The following ANTXR1 variants were observed in gnomAD, a reference collection of about 807,000 sequenced individuals.
ANTXR1 encodes the protein ANTXR cell adhesion molecule 1, also known as anthrax toxin receptor 1.
In ANTXR1, 19 loss-of-function variants were observed where a neutral mutation model predicts 78.1. That is an observed-to-expected ratio of 0.24 (90% CI 0.17 to 0.36). ANTXR1 has a LOEUF of 0.36. Among genes scored for constraint, ANTXR1 ranks in the 10% least tolerant of loss-of-function variants. ANTXR1 has a pLI of 1.00. For missense variants in ANTXR1, 518 were observed against 718.6 expected (o/e 0.72, Z 3.19); for synonymous variants, 273 against 260.5 (o/e 1.05, Z -0.46).
At chr2:69,122,594 G>GTTTTT (rs908868364) in intron 10 of ANTXR1, among the ~76,000 whole-genome samples, 1 of 151,346 alleles carries the variant, frequency 6.6e-6, no homozygotes, top group Non-Finnish European at 1.5e-5. Context: ...TTTTGTTTTT[G>GTTTTT]TTTTTTTATT....
intron 7 of ANTXR1, 77 bp downstream of exon 7, chr2:69,075,735 G>A: frequency 7.5e-7 from 1 of 1,334,988 alleles, no homozygotes; most frequent in Non-Finnish European, 1.1e-6. Context: ...TCAGTGCAGA[G>A]GGAAGATCAA....
intron 8 of ANTXR1, among the ~76,000 whole-genome samples, chr2:69,090,031 C>T (rs1430728839): frequency 6.6e-6 from 1 of 152,170 alleles, no homozygotes; most frequent in Non-Finnish European, 1.5e-5. Flanking sequence ...GCTCTGCTGA[C>T]TCTCCACTCA....
chr2:69,041,762 G>A (rs1488731251), intron 2 of ANTXR1, among the ~76,000 whole-genome samples: 1 of 152,174 alleles, frequency 6.6e-6, no homozygotes, highest in Non-Finnish European at 1.5e-5. Flanking sequence ...CAAGGGAGGG[G>A]ATTAAGAGAA....
intron 3 of ANTXR1, among the ~76,000 whole-genome samples, chr2:69,054,021 CGTAT>C (rs1670002161): frequency 6.6e-6 from 1 of 151,966 alleles, no homozygotes; most frequent in Non-Finnish European, 1.5e-5. Context: ...CATATATATG[CGTAT>C]GTGTTTATAT....
chr2:69,019,720 T>C (rs1470609898), intron 1 of ANTXR1, among the ~76,000 whole-genome samples: 2 of 152,150 alleles, frequency 1.3e-5, no homozygotes, highest in African/African-American at 2.4e-5. Flanking sequence ...TTCCTGATCC[T>C]CTCCCTCCTG....
chr2:69,182,271 C>T (rs913481561), intron 15 of ANTXR1, among the ~76,000 whole-genome samples: 1 of 152,188 alleles, frequency 6.6e-6, no homozygotes, highest in African/African-American at 2.4e-5. Context: ...GCTGCCTGGA[C>T]AATTCCTCCC....
At chr2:69,217,450 G>A (rs987865064) in intron 17 of ANTXR1, among the ~76,000 whole-genome samples, 3 of 152,230 alleles carry the variant, frequency 2.0e-5, no homozygotes, top group Non-Finnish European at 2.9e-5. Context: ...AGGTGAGAGT[G>A]TAAGAATAGA....
At chr2:69,098,059 A>G (rs1243463891) in intron 9 of ANTXR1, among the ~76,000 whole-genome samples, 2 of 152,210 alleles carry the variant, frequency 1.3e-5, no homozygotes, top group Non-Finnish European at 2.9e-5. Flanking sequence ...AGTTCCAGAG[A>G]GCAGACCAGT....
At chr2:69,038,532 A>G (rs959806128) in intron 1 of ANTXR1, among the ~76,000 whole-genome samples, 1 of 152,270 alleles carries the variant, frequency 6.6e-6, no homozygotes, top group East Asian at 1.9e-4. Flanking sequence ...AAAGGATAAT[A>G]TAATGAACAC....
At chr2:69,122,401 C>T (rs1034780233) in intron 10 of ANTXR1, among the ~76,000 whole-genome samples, 24 of 152,176 alleles carry the variant, frequency 1.6e-4, no homozygotes, top group African/African-American at 5.1e-4. Context: ...TACCCTTAGA[C>T]GTGGAACTCC....
chr2:69,137,747 C>A (rs1243797345), intron 12 of ANTXR1, among the ~76,000 whole-genome samples: 7 of 149,664 alleles, frequency 4.7e-5, no homozygotes, highest in Non-Finnish European at 8.9e-5. Context: ...CATGATTGCA[C>A]CACCCTATGC....
intron 17 of ANTXR1, among the ~76,000 whole-genome samples, chr2:69,226,985 AG>A (rs770001089): frequency 1.3e-5 from 2 of 152,202 alleles, no homozygotes; most frequent in Non-Finnish European, 2.9e-5. Context: ...GGATTCGTGA[AG>A]CATTTCGTGC....
At chr2:69,156,905 C>T (rs901059848) in intron 13 of ANTXR1, among the ~76,000 whole-genome samples, 2 of 152,194 alleles carry the variant, frequency 1.3e-5, no homozygotes, top group Non-Finnish European at 2.9e-5. Flanking sequence ...GTGAGATTTG[C>T]GTGGGAACAC....
rs115780354 is a variant in ANTXR1, at chr2:69,178,325, C to G, written c.1090-3461C>G. On this transcript the variant is annotated intron_variant, in intron 14 of 17. Transcript: ENST00000303714. ...AACTCTGACTCTCCCGTCCGTCAGCCCCTGGGCCTTTGTGCTGCCTGGTGC... is the reference window on the plus strand; with the variant it reads ...AACTCTGACTCTCCCGTCCGTCAGCGCCTGGGCCTTTGTGCTGCCTGGTGC... Among the ~76,000 whole-genome samples, 5 of 152,242 alleles carry G rather than the reference C, an allele frequency of 3.3e-5. No homozygotes were observed. In the East Asian group the frequency reaches 9.6e-4, roughly 29 times the overall value.
At chr2:69,139,257 G>C (rs1220693447) in intron 12 of ANTXR1, among the ~76,000 whole-genome samples, 1 of 152,080 alleles carries the variant, frequency 6.6e-6, no homozygotes, top group Non-Finnish European at 1.5e-5. Flanking sequence ...GTGCTTTCTG[G>C]ACCTGCCCCA....
At chr2:69,216,078 C>T (rs1016086357) in intron 17 of ANTXR1, among the ~76,000 whole-genome samples, 8 of 152,124 alleles carry the variant, frequency 5.3e-5, no homozygotes, top group African/African-American at 1.7e-4. Context: ...CCAGGGAGAC[C>T]GTGTGTGCCA....
intron 10 of ANTXR1, among the ~76,000 whole-genome samples, chr2:69,121,388 A>G (rs1346491795): frequency 1.3e-5 from 2 of 152,248 alleles, no homozygotes; most frequent in Non-Finnish European, 2.9e-5. Flanking sequence ...TAGGTCTTCA[A>G]TAAATATTTG....
intron 12 of ANTXR1, chr2:69,135,012 C>A: frequency 2.4e-6 from 1 of 413,596 alleles, no homozygotes. Context: ...TGTGGTTTTA[C>A]ATACAATCAT....
chr2:69,245,469 C>G lies in ANTXR1; in HGVS notation c.1679C>G (p.Pro560Arg). The G allele has an allele frequency of 6.2e-7, 1 of 1,613,062 alleles. No homozygotes were observed. Among genetic ancestry groups the G allele is most frequent in the Non-Finnish European group, 8.5e-7 (1 of 1,179,776 alleles). ...GCACCTCCTCCCTCCCGCCCTCCTC[C>G]AAGGCCTTCTGTCTAGAGCCCAAAG... Reference protein sequence around the residue: ...NRAPPPSRPPPRPSV With the variant: ...NRAPPPSRPPRRPSV The change falls in exon 18 of 18, where the codon CCA becomes CGA. Residue 560 changes from proline to arginine, a missense_variant. By Grantham distance (103) the Pro-to-Arg change is moderately radical. This residue lies in a region of ANTXR1 where 192 missense variants were observed against 230.2 expected (regional missense o/e 0.83). Transcript: ENST00000303714.
Sources: gnomAD v4.1 joint callset for allele counts (sites outside exome capture counted in the v4.1 genomes callset) on GRCh38, gnomAD v4.1.1 for gene constraint, gnomAD v4.1.1 regional missense constraint, MANE v1.5 for transcripts, NCBI Gene and HGNC (gene_info 2026-07-23, HGNC 2026-07-21) for gene names.